The following INTS7 variants were observed in gnomAD, a reference collection of about 807,000 sequenced individuals.
The protein encoded by INTS7 is chromosome 1 open reading frame 73.
In INTS7, 46 loss-of-function variants were observed where a neutral mutation model predicts 109.2. The ratio of observed to expected loss-of-function variants is 0.42; its 90% CI spans 0.33 to 0.54. The LOEUF is 0.54. Ranked by LOEUF, INTS7 falls within the 20% of genes least tolerant of loss-of-function variation. The pLI is 0.07. For synonymous variants in INTS7, 412 were observed against 402.9 expected (o/e 1.02, Z -0.27); for missense variants, 929 against 1,132.4 (o/e 0.82, Z 2.58).
chr1:211,981,332 T>A, intron 9 of INTS7, 142 bp from the exon 10 acceptor site: 1 of 495,590 alleles, frequency 2.0e-6, no homozygotes, highest in African/African-American at 2.0e-5. Flanking sequence ...AACCTAACCT[T>A]CCTTGAAAAA....
Position 212,007,238 on chromosome 1 carries a change from A to C in INTS7, c.756+12T>G, listed in dbSNP as rs770989251. ...TACCAAAGATAGGCAGTTTAAAGAA[A>C]ATTGAAATTACCTGCTTAGGTGTAT... On this transcript the variant is annotated intron_variant, in intron 6 of 19. Coordinates refer to ENST00000366994, the MANE Select transcript of INTS7 (RefSeq NM_015434.4). The C allele has an allele frequency of 6.3e-7, 1 of 1,597,240 alleles. No individual in the cohort carries two copies. The highest frequency in any genetic ancestry group is 8.6e-7 in the Non-Finnish European group (1 of 1,165,436).
In INTS7 at chr1:212,030,567, G is replaced by A. The variant is rs546888442; in HGVS notation, c.94+4777C>T. Reference sequence around the variant, plus strand: ...GCCTCCCAAAGTGCTGGGATGACAGGTGTGAGTCACTGCGCCCGGCCTAAT... The same window carrying A: ...GCCTCCCAAAGTGCTGGGATGACAGATGTGAGTCACTGCGCCCGGCCTAAT... On this transcript the variant is annotated intron_variant, in intron 1 of 19. Coordinates refer to ENST00000366994, the MANE Select transcript of INTS7 (RefSeq NM_015434.4). 3.3e-4 allele frequency among the ~76,000 whole-genome samples: 51 copies of A among 152,280 alleles called. 1 individual carries two copies. In the South Asian group the frequency reaches 0.01, roughly 31 times the overall value.
intron 1 of INTS7, 131 bp downstream of exon 1, chr1:212,035,213 A>C: frequency 1.5e-6 from 1 of 678,858 alleles, no homozygotes; most frequent in South Asian, 1.7e-5. Flanking sequence ...GCCCCAGCAA[A>C]AGCACAGGCG....
chr1:211,994,358 T>C (rs1035993002), intron 7 of INTS7, among the ~76,000 whole-genome samples: 2 of 152,076 alleles, frequency 1.3e-5, no homozygotes, highest in African/African-American at 2.4e-5. Context: ...AAATGATTAA[T>C]TGACAACATC....
chr1:211,958,729 G>A (rs1451133024), intron 16 of INTS7, among the ~76,000 whole-genome samples: 1 of 151,982 alleles, frequency 6.6e-6, no homozygotes, highest in African/African-American at 2.4e-5. Context: ...TTCCAATCTG[G>A]GTAGAGAAAT....
At chr1:212,019,997 C>T in intron 3 of INTS7, 125 bp downstream of exon 3, 1 of 629,604 alleles carries the variant, frequency 1.6e-6, no homozygotes, top group Non-Finnish European at 2.5e-6. Flanking sequence ...TTTGCCTTGA[C>T]TCTTAGTCAA....
intron 7 of INTS7, among the ~76,000 whole-genome samples, chr1:212,001,267 A>G (rs1665661375): frequency 6.6e-6 from 1 of 151,748 alleles, no homozygotes; most frequent in African/African-American, 2.4e-5. Flanking sequence ...AGGTTTCTCC[A>G]TGTTTGTCAG....
At chr1:211,965,266 A>T (rs1305371216) in intron 16 of INTS7, among the ~76,000 whole-genome samples, 4 of 152,224 alleles carry the variant, frequency 2.6e-5, no homozygotes, top group African/African-American at 9.6e-5. Context: ...CACACCAGTC[A>T]GAATGGCTAT....
chr1:211,984,188 A>G lies in INTS7; in HGVS notation c.998-1378T>C, dbSNP rs139168469. 1.5e-4 allele frequency among the ~76,000 whole-genome samples: 23 copies of G among 152,294 alleles called. No individual in the cohort carries two copies. The East Asian group carries it at 4.4e-3, about 29-fold the overall frequency. ...TTAAGTTAGGCAAAACATTAGAAAG[A>G]TGAAACTATATCTTTATTTTTTCAA... On this transcript the variant is annotated intron_variant, in intron 8 of 19. Transcript: ENST00000366994.
chr1:211,944,346 C>T (rs1662757752), intron 19 of INTS7, among the ~76,000 whole-genome samples: 1 of 152,100 alleles, frequency 6.6e-6, no homozygotes, highest in Non-Finnish European at 1.5e-5. Context: ...TGGGCAGGAA[C>T]CAGACATGGG....
intron 9 of INTS7, among the ~76,000 whole-genome samples, chr1:211,981,533 T>C (rs527349433): frequency 1.7e-4 from 26 of 152,332 alleles, no homozygotes; most frequent in African/African-American, 6.3e-4. Flanking sequence ...CTATGCAGTA[T>C]GTGTTAATCT....
At chr1:212,026,667 A>C (rs1038710877) in intron 1 of INTS7, among the ~76,000 whole-genome samples, 2 of 152,212 alleles carry the variant, frequency 1.3e-5, no homozygotes, top group African/African-American at 4.8e-5. Context: ...GGTGAGAAGG[A>C]ACAGAGATGT....
intron 1 of INTS7, chr1:212,030,711 A>G (rs1165145424): frequency 1.3e-5 from 2 of 152,324 alleles, no homozygotes; most frequent in East Asian, 3.9e-4. Context: ...TTCTGAATCA[A>G]TCAGTTATGG....
In INTS7 at chr1:212,035,348, G is replaced by A. The variant is rs750915148; in HGVS notation, c.90C>T (p.Asp30=). ...TCAGCCCTCTCTTTCGAATACCTTT[G>A]TCCAATTCCATAAGGGCAGAGTTGG... ...LDANSALMEL[D]KGLRSGKLGE... Residue 30 remains aspartate, a synonymous_variant, in exon 1 of 20, where the codon GAC becomes GAT. Transcript: ENST00000366994. 1.7e-5 allele frequency: 27 copies of A among 1,605,678 alleles called. No homozygotes were observed. Among genetic ancestry groups the A allele is most frequent in the Middle Eastern group, 1.6e-4 (1 of 6,072 alleles).
intron 19 of INTS7, among the ~76,000 whole-genome samples, chr1:211,943,376 C>G (rs1405918957): frequency 1.3e-5 from 2 of 151,876 alleles, no homozygotes; most frequent in Non-Finnish European, 2.9e-5. Flanking sequence ...AAATTATATG[C>G]AAGTAACAAA....
chr1:212,019,638 A>G (rs1311048343), intron 3 of INTS7, among the ~76,000 whole-genome samples: 1 of 152,210 alleles, frequency 6.6e-6, no homozygotes, highest in African/African-American at 2.4e-5. Flanking sequence ...ATTCTAACAA[A>G]TAAATTTTTT....
At chr1:211,962,138 C>T (rs1464193174) in intron 16 of INTS7, among the ~76,000 whole-genome samples, 2 of 151,604 alleles carry the variant, frequency 1.3e-5, no homozygotes, top group Non-Finnish European at 2.9e-5. Flanking sequence ...ATCTCACATG[C>T]AATTACATCC....
At chr1:212,002,569 C>T (rs1011371153) in intron 7 of INTS7, among the ~76,000 whole-genome samples, 18 of 152,236 alleles carry the variant, frequency 1.2e-4, no homozygotes, top group Non-Finnish European at 2.4e-4. Flanking sequence ...AATGTTCTCA[C>T]TTCAGGGCCT....
At chr1:212,016,716 T>C (rs1412072315) in intron 4 of INTS7, among the ~76,000 whole-genome samples, 170 bp downstream of exon 4, 1 of 152,256 alleles carries the variant, frequency 6.6e-6, no homozygotes, top group Non-Finnish European at 1.5e-5. Flanking sequence ...TTCCATTTTA[T>C]GAATTTAAGT....
Sources: gnomAD v4.1 joint callset for allele counts (sites outside exome capture counted in the v4.1 genomes callset) on GRCh38, gnomAD v4.1.1 for gene constraint, MANE v1.5 for transcripts, NCBI Gene and HGNC (gene_info 2026-07-23, HGNC 2026-07-21) for gene names.